Variants in PDGFD observed in about 807,000 individuals in gnomAD.
The protein encoded by PDGFD is platelet derived growth factor D, also known as platelet-derived growth factor D.
In PDGFD, 30 loss-of-function variants were observed where a neutral mutation model predicts 44.7. That is an observed-to-expected ratio of 0.67 (90% CI 0.50 to 0.91). The LOEUF (loss-of-function observed/expected upper bound fraction) is 0.91, where lower values mean the gene tolerates loss of function less well. Among genes scored for constraint, PDGFD ranks in the 40% least tolerant of loss-of-function variants. PDGFD has a pLI of 0.00. For missense variants in PDGFD, 445 were observed against 457.8 expected (o/e 0.97, Z 0.25); for synonymous variants, 173 against 168.4 (o/e 1.03, Z -0.21).
intron 1 of PDGFD, among the ~76,000 whole-genome samples, chr11:104,090,273 C>T (rs145123086): frequency 6.6e-6 from 1 of 151,368 alleles, no homozygotes; most frequent in African/African-American, 2.4e-5. Flanking sequence ...TACAAAACTT[C>T]CAACAAAAAT....
rs12792752 is a variant in PDGFD at position 103,943,583 on chromosome 11, A to T, written c.641T>A (p.Ile214Asn). Residue 214 changes from isoleucine (I) to asparagine (N), a missense_variant, in exon 5 of 7, where the codon ATT (isoleucine) becomes AAT (asparagine). Transcript: ENST00000393158. ...TLIADALDKK[I>N]AEFDTVEDLL... Reference sequence around the variant, plus strand: ...ATCTTCCACTGTATCAAATTCTGCAATTTTTTTGTCCAGAGCATCCGCAAT... The same window carrying T: ...ATCTTCCACTGTATCAAATTCTGCATTTTTTTTGTCCAGAGCATCCGCAAT... 1.2e-6 allele frequency: 2 copies of T among 1,613,060 alleles called. No individual in the cohort carries two copies. The highest frequency in any genetic ancestry group is 8.5e-7 in the Non-Finnish European group (1 of 1,179,556).
intron 1 of PDGFD, among the ~76,000 whole-genome samples, chr11:104,146,332 G>A (rs1862162475): frequency 6.6e-6 from 1 of 152,114 alleles, no homozygotes; most frequent in Admixed American, 6.5e-5. Flanking sequence ...TGTGTTCCAG[G>A]GAAGTAACAC....
intron 3 of PDGFD, among the ~76,000 whole-genome samples, chr11:103,954,336 G>A (rs1194800738): frequency 6.6e-6 from 1 of 152,076 alleles, no homozygotes. Flanking sequence ...TTGATACCAC[G>A]TGGAGCTAGA....
chr11:104,064,895 G>A (rs1395359781), intron 1 of PDGFD, among the ~76,000 whole-genome samples: 1 of 152,204 alleles, frequency 6.6e-6, no homozygotes, highest in Admixed American at 6.5e-5. Flanking sequence ...GTGTCAACTT[G>A]ATGGAATTGA....
intron 1 of PDGFD, among the ~76,000 whole-genome samples, chr11:104,030,636 T>C (rs1004682539): frequency 1.3e-5 from 2 of 152,200 alleles, no homozygotes; most frequent in South Asian, 4.1e-4. Flanking sequence ...AATCCTACCA[T>C]CTTAATGCAT....
chr11:103,988,982 C>A (rs1859411063), intron 3 of PDGFD, among the ~76,000 whole-genome samples: 1 of 151,964 alleles, frequency 6.6e-6, no homozygotes. Flanking sequence ...TATGTGAAAT[C>A]CTCAAAGTAA....
chr11:103,931,025 C>A (rs1229098787), intron 5 of PDGFD, among the ~76,000 whole-genome samples: 1 of 152,082 alleles, frequency 6.6e-6, no homozygotes, highest in Admixed American at 6.6e-5. Context: ...GGATTGATAG[C>A]AATGATTTGT....
At chr11:104,040,893 A>G (rs536847706) in intron 1 of PDGFD, among the ~76,000 whole-genome samples, 1 of 152,152 alleles carries the variant, frequency 6.6e-6, no homozygotes, top group East Asian at 1.9e-4. Flanking sequence ...TTACTTTTTA[A>G]AATTATATTT....
chr11:104,152,645 G>T (rs950615739), intron 1 of PDGFD, among the ~76,000 whole-genome samples: 1 of 151,970 alleles, frequency 6.6e-6, no homozygotes, highest in African/African-American at 2.4e-5. Context: ...AGTGTTATCT[G>T]GTTAGTGTTT....
intron 3 of PDGFD, among the ~76,000 whole-genome samples, chr11:103,955,921 C>T (rs1028919052): frequency 3.3e-5 from 5 of 152,024 alleles, no homozygotes; most frequent in African/African-American, 1.2e-4. Flanking sequence ...TTTAGAACTG[C>T]TAGGATTCAT....
intron 6 of PDGFD, among the ~76,000 whole-genome samples, chr11:103,910,079 T>C (rs1375533291): frequency 7.8e-6 from 1 of 127,930 alleles, no homozygotes; most frequent in Non-Finnish European, 1.7e-5. Context: ...TGATTTCATG[T>C]GTCTTAGCAG....
At chr11:104,119,936 T>G (rs1266075366) in intron 1 of PDGFD, among the ~76,000 whole-genome samples, 1 of 136,824 alleles carries the variant, frequency 7.3e-6, no homozygotes, top group African/African-American at 2.7e-5. Flanking sequence ...TATAATTAAA[T>G]TATATAATAT....
intron 1 of PDGFD, among the ~76,000 whole-genome samples, chr11:104,131,897 T>A (rs12286104): frequency 1.3e-5 from 2 of 150,294 alleles, no homozygotes; most frequent in Non-Finnish European, 1.5e-5. Flanking sequence ...TTTGCAGAAG[T>A]CTGGTAAAGA....
At chr11:104,125,431 T>TTTA (rs532545290) in intron 1 of PDGFD, among the ~76,000 whole-genome samples, 27 of 152,094 alleles carry the variant, frequency 1.8e-4, no homozygotes, top group Non-Finnish European at 3.7e-4. Flanking sequence ...TCTATTTCTG[T>TTTA]TTATTATTAT....
intron 1 of PDGFD, among the ~76,000 whole-genome samples, chr11:104,002,782 AGTTT>A (rs1018954748): frequency 2.8e-4 from 43 of 152,312 alleles, no homozygotes; most frequent in African/African-American, 7.0e-4. Context: ...ATTATTTATT[AGTTT>A]CTCTCTAAAT....
intron 1 of PDGFD, among the ~76,000 whole-genome samples, chr11:104,000,629 T>G (rs2095082642): frequency 6.6e-6 from 1 of 152,218 alleles, no homozygotes; most frequent in Non-Finnish European, 1.5e-5. Context: ...CCTCCCTAAA[T>G]TCTTCACAAA....
At chr11:104,142,941 C>A (rs1364908121) in intron 1 of PDGFD, among the ~76,000 whole-genome samples, 2 of 152,128 alleles carry the variant, frequency 1.3e-5, no homozygotes, top group African/African-American at 4.8e-5. Flanking sequence ...ACAGGGAATG[C>A]TCCAGGGAAC....
chr11:103,974,358 C>T (rs1240946268), intron 3 of PDGFD, among the ~76,000 whole-genome samples: 1 of 152,140 alleles, frequency 6.6e-6, no homozygotes, highest in East Asian at 1.9e-4. Context: ...GTGCAGTCAC[C>T]TCCTATGAAG....
intron 1 of PDGFD, among the ~76,000 whole-genome samples, chr11:104,048,819 A>G (rs1352099960): frequency 6.6e-6 from 1 of 152,260 alleles, no homozygotes; most frequent in Non-Finnish European, 1.5e-5. Context: ...AGAATGACAC[A>G]CTAGTCATCT....
Sources: allele counts gnomAD v4.1 joint callset (sites outside exome capture counted in the v4.1 genomes callset), GRCh38; gene constraint gnomAD v4.1.1; transcripts MANE v1.5; gene names NCBI Gene and HGNC (gene_info 2026-07-23, HGNC 2026-07-21).